Variants in PAX7 observed in about 807,000 individuals in gnomAD.
PAX7 encodes paired box 7.
In PAX7, 18 loss-of-function variants were observed where a neutral mutation model predicts 50.7. The observed-to-expected ratio is 0.36, with a 90% CI of 0.25 to 0.53. The LOEUF (loss-of-function observed/expected upper bound fraction) is 0.53. Among genes scored for constraint, PAX7 ranks in the 20% least tolerant of loss-of-function variants. The probability of loss-of-function intolerance (pLI) is 0.93; values close to 1 mark genes in which losing one functional copy is unlikely to be tolerated. For missense variants in PAX7, 644 were observed against 702.9 expected (o/e 0.92, Z 0.95); for synonymous variants, 310 against 290.4 (o/e 1.07, Z -0.69).
chr1:18,726,235 C>T lies in PAX7; in HGVS notation c.1156-9397C>T, dbSNP rs1281079895. 4.6e-5 allele frequency among the ~76,000 whole-genome samples: 7 copies of T among 152,004 alleles called. No individual in the cohort carries two copies. Among genetic ancestry groups the T allele is most frequent in the African/African-American group, 1.7e-4 (7 of 41,372 alleles). On this transcript the variant is annotated intron_variant, in intron 7 of 8. Transcript: ENST00000420770. This position sits in a 1 kb window ranked among gnomAD's most constrained non-coding sequence, Gnocchi z 4.8. ...CATTCTGTTCCTCCCTCCACCCCCACCTCACCTCTAGACAGTCCTTAACTA... is the reference window on the plus strand; with the variant it reads ...CATTCTGTTCCTCCCTCCACCCCCATCTCACCTCTAGACAGTCCTTAACTA...
intron 4 of PAX7, among the ~76,000 whole-genome samples, chr1:18,674,586 G>T (rs1055187412): frequency 6.6e-6 from 1 of 152,332 alleles, no homozygotes; most frequent in East Asian, 1.9e-4. Flanking sequence ...AGAGAAAGAA[G>T]TTCCTCCTCC....
intron 4 of PAX7, among the ~76,000 whole-genome samples, chr1:18,679,089 G>A (rs566766233): frequency 1.1e-4 from 17 of 152,214 alleles, no homozygotes; most frequent in Non-Finnish European, 1.6e-4. Context: ...CACACCAGCA[G>A]CGGTTTGAAC....
intron 4 of PAX7, among the ~76,000 whole-genome samples, chr1:18,678,939 C>T (rs577130327): frequency 1.3e-5 from 2 of 152,296 alleles, no homozygotes; most frequent in Admixed American, 6.5e-5. Context: ...CTGGCCGTCA[C>T]GGTCACTCTG....
rs1557500447 is a variant in PAX7, at chr1:18,636,166, G to T, written c.452-71G>T. The T allele has an allele frequency of 1.3e-6, 2 of 1,541,164 alleles. No homozygotes were observed. Among genetic ancestry groups the T allele is most frequent in the East Asian group, 2.3e-5 (1 of 44,230 alleles). On this transcript the variant is annotated intron_variant, in intron 3 of 8. Coordinates refer to ENST00000420770, the MANE Select transcript of PAX7 (RefSeq NM_001135254.2). The surrounding 1 kb of genome is among the most constrained non-coding windows in gnomAD (Gnocchi z 5.1). Reference sequence around the variant, plus strand: ...CAGGGGGCTTCCTGACTTTCTCCCAGGGGCCCAGGCCACCGCTCGCTCCTC... The same window carrying T: ...CAGGGGGCTTCCTGACTTTCTCCCATGGGCCCAGGCCACCGCTCGCTCCTC...
intron 7 of PAX7, among the ~76,000 whole-genome samples, chr1:18,732,251 G>A (rs12142647): frequency 0.047 from 7,108 of 152,248 alleles, 226 homozygotes; most frequent in East Asian, 0.077. Flanking sequence ...TCCTTAGGCC[G>A]ACAGCTCCAG....
intron 4 of PAX7, among the ~76,000 whole-genome samples, chr1:18,686,344 T>C (rs909279677): frequency 3.3e-5 from 5 of 152,214 alleles, no homozygotes; most frequent in Non-Finnish European, 7.3e-5. Flanking sequence ...TCCTTCTCTT[T>C]TGGGGCAATC....
At chr1:18,740,147 A>T (rs747700862) in intron 8 of PAX7, among the ~76,000 whole-genome samples, 3 of 152,162 alleles carry the variant, frequency 2.0e-5, no homozygotes, top group Non-Finnish European at 4.4e-5. Context: ...AGGGACAGGG[A>T]GGGCCGTTGA....
At position 18,632,434 on chromosome 1, in the gene PAX7, C is replaced by T. The variant is rs1444261176; in HGVS notation, c.85+746C>T. ...CCTTCCTAAACATCCAGCGCCCGCC[C>T]GGGGAGACCCGATAGGACGGGCGGC... On this transcript the variant is annotated intron_variant, in intron 1 of 8. Coordinates refer to ENST00000420770, the MANE Select transcript of PAX7 (RefSeq NM_001135254.2). The surrounding 1 kb of genome is among the most constrained non-coding windows in gnomAD (Gnocchi z 6.3). Among the ~76,000 whole-genome samples, 1 of 152,096 alleles carries T rather than the reference C, an allele frequency of 6.6e-6. No individual in the cohort carries two copies. The highest frequency in any genetic ancestry group is 6.5e-5 in the Admixed American group (1 of 15,280).
intron 4 of PAX7, among the ~76,000 whole-genome samples, chr1:18,638,952 G>C (rs1211493595): frequency 7.2e-5 from 11 of 152,148 alleles, no homozygotes; most frequent in African/African-American, 2.7e-4. Flanking sequence ...CCAGAGCAGG[G>C]GGAGTTGTGC....
intron 7 of PAX7, among the ~76,000 whole-genome samples, chr1:18,725,036 T>C (rs1439863249): frequency 6.6e-6 from 1 of 152,200 alleles, no homozygotes. Context: ...AAGGCTATGA[T>C]CCTTTGCCCA....
intron 5 of PAX7, among the ~76,000 whole-genome samples, chr1:18,699,148 T>C (rs1348548684): frequency 1.3e-5 from 2 of 152,208 alleles, no homozygotes; most frequent in Non-Finnish European, 2.9e-5. Flanking sequence ...CCTTGAACAC[T>C]TACTGAGCTC....
At chr1:18,638,770 A>T (rs1173705581) in intron 4 of PAX7, among the ~76,000 whole-genome samples, 1 of 152,198 alleles carries the variant, frequency 6.6e-6, no homozygotes, top group Non-Finnish European at 1.5e-5. Context: ...TCTGTGAGCA[A>T]ATTGTATCCG....
At chr1:18,678,809 C>A (rs753160077) in intron 4 of PAX7, among the ~76,000 whole-genome samples, 2 of 152,062 alleles carry the variant, frequency 1.3e-5, no homozygotes, top group Non-Finnish European at 2.9e-5. Context: ...GGGCACAAGT[C>A]GGTATGGAGG....
chr1:18,704,963 G>T (rs996305043), intron 7 of PAX7, among the ~76,000 whole-genome samples: 7 of 152,218 alleles, frequency 4.6e-5, no homozygotes, highest in Non-Finnish European at 1.0e-4. Context: ...TCTGTGGAAG[G>T]CAGTCAGCTC....
intron 4 of PAX7, among the ~76,000 whole-genome samples, chr1:18,640,070 G>T (rs1023529484): frequency 6.6e-6 from 1 of 151,994 alleles, no homozygotes; most frequent in Non-Finnish European, 1.5e-5. Flanking sequence ...CATCTGAGGT[G>T]GGGGGAGGAT....
intron 4 of PAX7, among the ~76,000 whole-genome samples, chr1:18,650,905 G>A (rs192392405): frequency 7.9e-5 from 12 of 152,260 alleles, no homozygotes; most frequent in Middle Eastern, 3.4e-3. Flanking sequence ...CAATGGGGCT[G>A]GCAGGGCAAG....
intron 4 of PAX7, among the ~76,000 whole-genome samples, chr1:18,666,372 G>A (rs1240663182): frequency 6.6e-6 from 1 of 152,206 alleles, no homozygotes; most frequent in Non-Finnish European, 1.5e-5. Context: ...CCCCGAACTT[G>A]CTGTGATCTG....
rs1570102867 is a variant in PAX7 at position 18,636,723 on chromosome 1, T to A, written c.586+352T>A. On this transcript the variant is annotated intron_variant, in intron 4 of 8. Transcript: ENST00000420770. This position sits in a 1 kb window ranked among gnomAD's most constrained non-coding sequence, Gnocchi z 5.1. ...GGCGTTTTGGCTGCTACTCTCGGCG[T>A]CGATCAATTATTTATAGGAAACTTG... Among the ~76,000 whole-genome samples the A allele has an allele frequency of 6.7e-6, 1 of 149,652 alleles. No individual in the cohort carries two copies. Among genetic ancestry groups the A allele is most frequent in the South Asian group, 2.1e-4 (1 of 4,694 alleles).
intron 4 of PAX7, among the ~76,000 whole-genome samples, chr1:18,654,775 A>G (rs1316822912): frequency 2.6e-5 from 4 of 152,266 alleles, no homozygotes; most frequent in Non-Finnish European, 4.4e-5. Flanking sequence ...GCACAGCCCT[A>G]TGAACTTCAC....
Sources: gnomAD v4.1 joint callset for allele counts (sites outside exome capture counted in the v4.1 genomes callset) on GRCh38, gnomAD v4.1.1 for gene constraint, Gnocchi (gnomAD v3.1) non-coding constraint, MANE v1.5 for transcripts, NCBI Gene and HGNC (gene_info 2026-07-23, HGNC 2026-07-21) for gene names.